The following PARD6A variants were observed in gnomAD, a reference collection of about 807,000 sequenced individuals.
The protein encoded by PARD6A is par-6 family cell polarity regulator alpha.
PARD6A carries 20 observed loss-of-function variants against 21.3 expected under a neutral mutation model. That is an observed-to-expected ratio of 0.94 (90% confidence interval 0.66 to 1.36). The LOEUF is 1.36. PARD6A is among the 40% of genes most tolerant of loss of function. The pLI, the probability that PARD6A is intolerant of heterozygous loss-of-function variation, is 0.00. For missense variants in PARD6A, 411 were observed against 482.0 expected (o/e 0.85, Z 1.38); for synonymous variants, 214 against 204.8 (o/e 1.04, Z -0.38).
chr16:67,662,549 G>A lies in PARD6A; in HGVS notation c.940G>A (p.Gly314Ser). 2 of 1,613,126 alleles carry A rather than the reference G, an allele frequency of 1.2e-6. No homozygotes were observed. Among genetic ancestry groups the A allele is most frequent in the Non-Finnish European group, 1.7e-6 (2 of 1,179,998 alleles). The change falls in exon 3 of 3, where the codon GGT (glycine) becomes AGT (serine). Residue 314 changes from glycine (G) to serine (S), a missense_variant. By Grantham distance (56) the Gly-to-Ser change is moderately conservative. Transcript: ENST00000458121. The surrounding 1 kb of genome is among the most constrained non-coding windows in gnomAD (Gnocchi z 6.9). The part of the protein sequence containing the change: ...WDLHPGCRHP[G>S]TRSSLPSLDD... Reference sequence around the variant, plus strand: ...CCTGCACCCTGGCTGCCGACATCCTGGTACCCGCAGCTCTCTGCCCTCCCT... The same window carrying A: ...CCTGCACCCTGGCTGCCGACATCCTAGTACCCGCAGCTCTCTGCCCTCCCT...
Position 67,662,501 on chromosome 16 carries a change from T to C in PARD6A, c.892T>C (p.Ser298Pro). 6.2e-7 allele frequency: 1 copy of C among 1,613,524 alleles called. No homozygotes were observed. Among genetic ancestry groups the C allele is most frequent in the Non-Finnish European group, 8.5e-7 (1 of 1,180,012 alleles). ...NRQPPSSNGL[S>P]QGPPCWDLHP... Reference sequence around the variant, plus strand: ...CCAGCCTCCCAGTTCCAATGGGCTGTCTCAGGGGCCCCCGTGCTGGGACCT... The same window carrying C: ...CCAGCCTCCCAGTTCCAATGGGCTGCCTCAGGGGCCCCCGTGCTGGGACCT... Residue 298 changes from serine to proline, a missense_variant, in exon 3 of 3, where the codon TCT becomes CCT. Ser to Pro is a moderately conservative substitution (Grantham distance 74). Transcript: ENST00000458121. This position sits in a 1 kb window ranked among gnomAD's most constrained non-coding sequence, Gnocchi z 6.9.
In PARD6A at chr16:67,661,056, G is replaced by C; in HGVS notation, c.18G>C (p.Arg6Ser). MARPQRTPARSPDSIV... is the reference protein window; with the variant it reads MARPQSTPARSPDSIV... Reference sequence around the variant, plus strand: ...GCCCCGCCATGGCCCGGCCGCAGAGGACTCCGGCGCGCAGTCCCGATAGCA... The same window carrying C: ...GCCCCGCCATGGCCCGGCCGCAGAGCACTCCGGCGCGCAGTCCCGATAGCA... Residue 6 changes from arginine (R) to serine (S), a missense_variant, in exon 1 of 3, where the codon AGG becomes AGC. Transcript: ENST00000458121. This position sits in a 1 kb window ranked among gnomAD's most constrained non-coding sequence, Gnocchi z 7.0. The C allele has an allele frequency of 6.3e-7, 1 of 1,594,974 alleles. No homozygotes were observed. Among genetic ancestry groups the C allele is most frequent in the Non-Finnish European group, 8.5e-7 (1 of 1,170,074 alleles).
rs2053005493 is a variant in PARD6A, at chr16:67,661,052, A to C, written c.14A>C (p.Gln5Pro). MARP[Q>P]RTPARSPDSI... ...CCCGGCCCCGCCATGGCCCGGCCGC[A>C]GAGGACTCCGGCGCGCAGTCCCGAT... The change falls in exon 1 of 3, where the codon CAG (glutamine) becomes CCG (proline). Residue 5 changes from glutamine to proline, a missense_variant. Coordinates refer to ENST00000458121, the MANE Select transcript of PARD6A (RefSeq NM_001037281.2). The surrounding 1 kb of genome is among the most constrained non-coding windows in gnomAD (Gnocchi z 7.0). The C allele has an allele frequency of 6.3e-7, 1 of 1,584,502 alleles. No homozygotes were observed. Among genetic ancestry groups the C allele is most frequent in the Non-Finnish European group, 8.6e-7 (1 of 1,164,206 alleles).
chr16:67,661,301 A>C lies in PARD6A; in HGVS notation c.64-154A>C, dbSNP rs570622120. 8.8e-7 allele frequency: 1 copy of C among 1,139,572 alleles called. No homozygotes were observed. Among genetic ancestry groups the C allele is most frequent in the African/African-American group, 1.6e-5 (1 of 64,212 alleles). The allele number at this position is 1,139,572 out of a possible 1,614,324, so 70.6% of individuals were successfully genotyped here. On this transcript the variant is annotated intron_variant, in intron 1 of 2. Transcript: ENST00000458121. This position sits in a 1 kb window ranked among gnomAD's most constrained non-coding sequence, Gnocchi z 7.0. Reference sequence around the variant, plus strand: ...CCTGAGTACCTGGAGGGCGGTAAGAAGACCTTGGACAGCGTCCCTGGTACT... The same window carrying C: ...CCTGAGTACCTGGAGGGCGGTAAGACGACCTTGGACAGCGTCCCTGGTACT...
At position 67,661,951 on chromosome 16, in the gene PARD6A, A is replaced by G. The variant is rs1597778186; in HGVS notation, c.342A>G (p.Lys114=). 1 of 1,611,372 alleles carries G rather than the reference A, an allele frequency of 6.2e-7. No individual in the cohort carries two copies. The highest frequency in any genetic ancestry group is 2.2e-5 in the East Asian group (1 of 44,878). ...FASNSLQRRK[K]GLLLRPVAPL... Reference sequence around the variant, plus strand: ...CCAACTCTCTGCAGCGGCGCAAGAAAGGGCTCTTGCTGCGGCCAGTGGCAC... The same window carrying G: ...CCAACTCTCTGCAGCGGCGCAAGAAGGGGCTCTTGCTGCGGCCAGTGGCAC... The change falls in exon 3 of 3, where the codon AAA becomes AAG. Residue 114 remains lysine, a synonymous_variant. Transcript: ENST00000458121. The surrounding 1 kb of genome is among the most constrained non-coding windows in gnomAD (Gnocchi z 7.0).
In PARD6A at chr16:67,661,639, G is replaced by T; in HGVS notation, c.248G>T (p.Ser83Ile). The change falls in exon 2 of 3, where the codon AGC becomes ATC. Residue 83 changes from serine to isoleucine, a missense_variant. Coordinates refer to ENST00000458121, the MANE Select transcript of PARD6A (RefSeq NM_001037281.2). This position sits in a 1 kb window ranked among gnomAD's most constrained non-coding sequence, Gnocchi z 7.0. ...NDDSLHRALA[S>I]GPPPLRLLVQ... ...GACAGCCTGCACCGGGCCCTGGCCA[G>T]CGGGCCCCCGCCACTGCGCCTACTG... is the stretch of plus-strand genomic sequence containing the variant. 6.4e-7 allele frequency: 1 copy of T among 1,558,014 alleles called. No individual in the cohort carries two copies.
Position 67,661,856 on chromosome 16 carries a change from G to A in PARD6A, c.287-40G>A. ...CCCTGTAAACAGCCCAAGTCGGGGA[G>A]CAGGTCTCTGATCTCAACATCCCCC... On this transcript the variant is annotated intron_variant, in intron 2 of 2. Coordinates refer to ENST00000458121, the MANE Select transcript of PARD6A (RefSeq NM_001037281.2). This position sits in a 1 kb window ranked among gnomAD's most constrained non-coding sequence, Gnocchi z 7.0. The A allele has an allele frequency of 1.9e-6, 3 of 1,544,606 alleles. No individual in the cohort carries two copies. Among genetic ancestry groups the A allele is most frequent in the Non-Finnish European group, 2.6e-6 (3 of 1,152,572 alleles).
In PARD6A at chr16:67,661,429, T is replaced by C. The variant is rs2053013712; in HGVS notation, c.64-26T>C. 2 of 1,603,238 alleles carry C rather than the reference T, an allele frequency of 1.2e-6. No individual in the cohort carries two copies. Among genetic ancestry groups the C allele is most frequent in the Non-Finnish European group, 1.7e-6 (2 of 1,179,720 alleles). ...AAGGGGCGCAGGCTGTCCTGACTCC[T>C]CCTCTCCCCCAACCCCGACTTCCAG... On this transcript the variant is annotated intron_variant, in intron 1 of 2. Transcript: ENST00000458121. This position sits in a 1 kb window ranked among gnomAD's most constrained non-coding sequence, Gnocchi z 7.0.
rs777661999 is a variant in PARD6A at position 67,662,540 on chromosome 16, C to A, written c.931C>A (p.Arg311=). The change falls in exon 3 of 3, where the codon CGA becomes AGA. Residue 311 remains arginine, a synonymous_variant. Transcript: ENST00000458121. The surrounding 1 kb of genome is among the most constrained non-coding windows in gnomAD (Gnocchi z 6.9). The part of the protein sequence containing the change: ...PPCWDLHPGC[R]HPGTRSSLPS... ...GTGCTGGGACCTGCACCCTGGCTGC[C>A]GACATCCTGGTACCCGCAGCTCTCT... is the stretch of plus-strand genomic sequence containing the variant. 1.9e-6 allele frequency: 3 copies of A among 1,613,186 alleles called. No homozygotes were observed. The highest frequency in any genetic ancestry group is 1.7e-6 in the Non-Finnish European group (2 of 1,180,004).
chr16:67,662,317 C>G lies in PARD6A; in HGVS notation c.708C>G (p.Ala236=). The G allele has an allele frequency of 1.2e-6, 2 of 1,614,060 alleles. No homozygotes were observed. Among genetic ancestry groups the G allele is most frequent in the Non-Finnish European group, 1.7e-6 (2 of 1,180,038 alleles). The part of the protein sequence containing the change: ...TLDQVTDMMV[A]NSHNLIVTVK... ...ACCAAGTGACGGACATGATGGTTGCCAACAGCCATAACCTCATTGTCACTG... is the reference window on the plus strand; with the variant it reads ...ACCAAGTGACGGACATGATGGTTGCGAACAGCCATAACCTCATTGTCACTG... Residue 236 remains alanine (A), a synonymous_variant, in exon 3 of 3, where the codon GCC becomes GCG. Coordinates refer to ENST00000458121, the MANE Select transcript of PARD6A (RefSeq NM_001037281.2). This position sits in a 1 kb window ranked among gnomAD's most constrained non-coding sequence, Gnocchi z 6.9.
chr16:67,661,748 C>A lies in PARD6A; in HGVS notation c.286+71C>A. ...TGGGGCAGGTCTACAAGGGTTAGTC[C>A]ATGCCCAGGGTACCCAAGCGTCACC... On this transcript the variant is annotated intron_variant, in intron 2 of 2. Transcript: ENST00000458121. This position sits in a 1 kb window ranked among gnomAD's most constrained non-coding sequence, Gnocchi z 7.0. The A allele has an allele frequency of 6.4e-7, 1 of 1,567,202 alleles. No individual in the cohort carries two copies.
In PARD6A at chr16:67,661,818, T is replaced by C; in HGVS notation, c.287-78T>C. ...GGCTTGACCTCTAAGTGGTAGGAAATAGCTACAGTGCCCCCTGTAAACAGC... is the reference window on the plus strand; with the variant it reads ...GGCTTGACCTCTAAGTGGTAGGAAACAGCTACAGTGCCCCCTGTAAACAGC... On this transcript the variant is annotated intron_variant, in intron 2 of 2. Transcript: ENST00000458121. The surrounding 1 kb of genome is among the most constrained non-coding windows in gnomAD (Gnocchi z 7.0). The C allele has an allele frequency of 6.5e-7, 1 of 1,535,782 alleles. No homozygotes were observed.
In PARD6A at chr16:67,661,877, C is replaced by A; in HGVS notation, c.287-19C>A. 1 of 1,561,650 alleles carries A rather than the reference C, an allele frequency of 6.4e-7. No homozygotes were observed. Among genetic ancestry groups the A allele is most frequent in the Non-Finnish European group, 8.6e-7 (1 of 1,159,526 alleles). On this transcript the variant is annotated intron_variant, in intron 2 of 2. Transcript: ENST00000458121. The surrounding 1 kb of genome is among the most constrained non-coding windows in gnomAD (Gnocchi z 7.0). ...GGGAGCAGGTCTCTGATCTCAACAT[C>A]CCCCCTCTTCTGCAGCAGAAGCTGA...
chr16:67,662,509 G>A lies in PARD6A; in HGVS notation c.900G>A (p.Gly300=), dbSNP rs1469484687. 3.1e-6 allele frequency: 5 copies of A among 1,613,310 alleles called. No homozygotes were observed. Among genetic ancestry groups the A allele is most frequent in the Non-Finnish European group, 4.2e-6 (5 of 1,180,018 alleles). ...QPPSSNGLSQ[G]PPCWDLHPGC... is the part of the protein sequence containing the mutation. The stretch of plus-strand genomic sequence containing the variant: ...CCAGTTCCAATGGGCTGTCTCAGGG[G>A]CCCCCGTGCTGGGACCTGCACCCTG... Residue 300 remains glycine, a synonymous_variant, in exon 3 of 3, where the codon GGG becomes GGA. Transcript: ENST00000458121. The surrounding 1 kb of genome is among the most constrained non-coding windows in gnomAD (Gnocchi z 6.9).
At position 67,662,618 on chromosome 16, in the gene PARD6A, CGAG is replaced by C. The variant is rs1567645704; in HGVS notation, c.1013_1015del (p.Gly338del). The C allele has an allele frequency of 1.9e-6, 3 of 1,595,252 alleles. No homozygotes were observed. The highest frequency in any genetic ancestry group is 1.7e-5 in the Admixed American group (1 of 58,610). ...CAGTTCTGGCTGGGGGAGTCGCATTCGAGGAGATGGTAGTGGCTTCAGCCTCTG... is the reference window on the plus strand; with the variant it reads ...CAGTTCTGGCTGGGGGAGTCGCATTCGAGATGGTAGTGGCTTCAGCCTCTG... On this transcript the variant is annotated inframe_deletion, in exon 3 of 3. Coordinates refer to ENST00000458121, the MANE Select transcript of PARD6A (RefSeq NM_001037281.2). The surrounding 1 kb of genome is among the most constrained non-coding windows in gnomAD (Gnocchi z 6.9).
chr16:67,662,255 G>A lies in PARD6A; in HGVS notation c.646G>A (p.Glu216Lys), dbSNP rs760272736. ...GCTGGCGGTCAGTGATGAGATCCTCGAGGTCAATGGCATTGAAGTAGCCGG... is the reference window on the plus strand; with the variant it reads ...GCTGGCGGTCAGTGATGAGATCCTCAAGGTCAATGGCATTGAAGTAGCCGG... ...GLLAVSDEIL[E>K]VNGIEVAGKT... The change falls in exon 3 of 3, where the codon GAG becomes AAG. Residue 216 changes from glutamate to lysine, a missense_variant. By Grantham distance (56) the Glu-to-Lys change is moderately conservative. Transcript: ENST00000458121. This position sits in a 1 kb window ranked among gnomAD's most constrained non-coding sequence, Gnocchi z 6.9. 6.2e-7 allele frequency: 1 copy of A among 1,614,106 alleles called. No individual in the cohort carries two copies. The highest frequency in any genetic ancestry group is 8.5e-7 in the Non-Finnish European group (1 of 1,180,026).
Position 67,662,140 on chromosome 16 carries a change from C to A in PARD6A, c.531C>A (p.Ser177Arg), listed in dbSNP as rs761598301. ...GCTTCTACATCCGAGATGGCATGAG[C>A]GTGCGTGTGGCTCCCCAGGGCCTGG... Reference protein sequence around the residue: ...PLGFYIRDGMSVRVAPQGLER... With the variant: ...PLGFYIRDGMRVRVAPQGLER... The change falls in exon 3 of 3, where the codon AGC becomes AGA. Residue 177 changes from serine to arginine, a missense_variant. Coordinates refer to ENST00000458121, the MANE Select transcript of PARD6A (RefSeq NM_001037281.2). This position sits in a 1 kb window ranked among gnomAD's most constrained non-coding sequence, Gnocchi z 6.9. The A allele has an allele frequency of 1.2e-6, 2 of 1,613,862 alleles. No individual in the cohort carries two copies. Among genetic ancestry groups the A allele is most frequent in the Non-Finnish European group, 1.7e-6 (2 of 1,179,976 alleles).
Position 67,661,675 on chromosome 16 carries a change from G to T in PARD6A, c.284G>T (p.Arg95Leu). 6.2e-7 allele frequency: 1 copy of T among 1,606,490 alleles called. No homozygotes were observed. Among genetic ancestry groups the T allele is most frequent in the Non-Finnish European group, 8.5e-7 (1 of 1,179,614 alleles). Residue 95 changes from arginine (R) to leucine (L), a missense_variant and splice_region_variant, in exon 2 of 3, where the codon CGG becomes CTG. Coordinates refer to ENST00000458121, the MANE Select transcript of PARD6A (RefSeq NM_001037281.2). This position sits in a 1 kb window ranked among gnomAD's most constrained non-coding sequence, Gnocchi z 7.0. ...CCACTGCGCCTACTGGTGCAGAAGC[G>T]GGGTGAGGAGGGGTACAGTGGGCAG... is the stretch of plus-strand genomic sequence containing the variant. ...PPPLRLLVQK[R>L]EADSSGLAFA...
rs1189419273 is a variant in PARD6A, at chr16:67,661,125, C to T, written c.63+24C>T. On this transcript the variant is annotated intron_variant, in intron 1 of 2. Coordinates refer to ENST00000458121, the MANE Select transcript of PARD6A (RefSeq NM_001037281.2). This position sits in a 1 kb window ranked among gnomAD's most constrained non-coding sequence, Gnocchi z 7.0. Reference sequence around the variant, plus strand: ...AAGTAAGGGCTCCTCCGGCCTCGGCCCTAGGCGCTCCCAATTCCCTCTTTC... The same window carrying T: ...AAGTAAGGGCTCCTCCGGCCTCGGCTCTAGGCGCTCCCAATTCCCTCTTTC... 6.3e-7 allele frequency: 1 copy of T among 1,585,274 alleles called. No homozygotes were observed. The highest frequency in any genetic ancestry group is 8.7e-7 in the Non-Finnish European group (1 of 1,154,986).
Sources: allele counts gnomAD v4.1 joint callset, GRCh38; gene constraint gnomAD v4.1.1; non-coding constraint Gnocchi (gnomAD v3.1); transcripts MANE v1.5; gene names NCBI Gene and HGNC (gene_info 2026-07-23, HGNC 2026-07-21).